SRP19: variants seen among roughly 807,000 people sequenced by gnomAD.
The protein encoded by SRP19 is signal recognition particle 19 kDa protein.
SRP19 carries 11 observed loss-of-function variants against 22.4 expected under a neutral mutation model. The observed-to-expected ratio is 0.49, with a 90% CI of 0.31 to 0.81. SRP19 has a LOEUF of 0.81. Among genes scored for constraint, SRP19 ranks in the 40% least tolerant of loss-of-function variants. The pLI is 0.05. For missense variants in SRP19, 168 were observed against 175.9 expected (o/e 0.96, Z 0.25); for synonymous variants, 61 against 57.6 (o/e 1.06, Z -0.27).
intron 4 of SRP19, chr5:112,877,289 A>T (rs1001837636): frequency 6.6e-6 from 1 of 152,156 alleles, no homozygotes; most frequent in East Asian, 1.9e-4. Flanking sequence ...TCTCAAGGTG[A>T]GCTAATCATC....
chr5:112,889,295 T>C (rs955325043), intron 4 of SRP19, among the ~76,000 whole-genome samples: 4 of 150,820 alleles, frequency 2.7e-5, no homozygotes, highest in Non-Finnish European at 5.9e-5. Flanking sequence ...CCCAAAACTA[T>C]AGCTGTATGC....
chr5:112,886,721 G>T (rs946447460), intron 4 of SRP19, among the ~76,000 whole-genome samples: 5 of 152,158 alleles, frequency 3.3e-5, no homozygotes, highest in African/African-American at 1.2e-4. Flanking sequence ...AGAAGAGATG[G>T]ACTTGCATAT....
Position 112,861,319 on chromosome 5 carries a change from C to T in SRP19, c.-58C>T, listed in dbSNP as rs138686216. ...CTCGGAAACTCAGAGCCGGGTTCCT[C>T]CCGGGTTTCTGCCGGGTTTCTCCCT... On this transcript the variant is annotated 5_prime_UTR_variant, in exon 1 of 5. Transcript: ENST00000505459. 171 of 1,607,352 alleles carry T rather than the reference C, an allele frequency of 1.1e-4. No individual in the cohort carries two copies. The East Asian group carries it at 1.9e-3, about 18-fold the overall frequency.
chr5:112,874,774 C>G (rs1767857263), downstream of SRP19, among the ~76,000 whole-genome samples: 1 of 114,690 alleles, frequency 8.7e-6, no homozygotes, highest in African/African-American at 3.1e-5. Flanking sequence ...TGATGTGCGC[C>G]AATTTTTTTT....
chr5:112,867,331 G>A, intron 4 of SRP19, 73 bp from the exon 5 acceptor site: 1 of 1,522,504 alleles, frequency 6.6e-7, no homozygotes, highest in Non-Finnish European at 8.9e-7. Context: ...CTTACACTTT[G>A]TGATATTCAA....
At chr5:112,862,653 C>T (rs1244235177) in intron 2 of SRP19, 70 bp downstream of exon 2, 2 of 1,357,480 alleles carry the variant, frequency 1.5e-6, no homozygotes, top group Admixed American at 3.7e-5. Flanking sequence ...GCCACGTAAT[C>T]TTGTTAGAGC....
intron 4 of SRP19, among the ~76,000 whole-genome samples, chr5:112,866,872 A>G (rs1444379720): frequency 6.6e-6 from 1 of 152,232 alleles, no homozygotes; most frequent in Non-Finnish European, 1.5e-5. Context: ...CCCAAGTAAG[A>G]TAGTAAAAAG....
downstream of SRP19, among the ~76,000 whole-genome samples, chr5:112,871,243 A>ATTTTTTTTTTTTTTTTTTTTTT (rs10592964): frequency 1.1e-5 from 1 of 93,934 alleles, no homozygotes; most frequent in African/African-American, 4.8e-5. Context: ...CAATCAGTGA[A>ATTTTTTTTTTTTTTTTTTTTTT]TTTTTTTTTT....
intron 4 of SRP19, chr5:112,887,071 A>G: frequency 1.2e-6 from 2 of 1,613,700 alleles, no homozygotes; most frequent in South Asian, 2.2e-5. Context: ...GTCCTTGACC[A>G]CACTGTCCAT....
In SRP19 at chr5:112,885,624, C is replaced by T. The variant is rs1356418933; in HGVS notation, c.302-5979C>T. 11 of 286,210 alleles carry T rather than the reference C, an allele frequency of 3.8e-5. No individual in the cohort carries two copies. In the Admixed American group the frequency reaches 4.4e-4, roughly 11 times the overall value. 17.7% of individuals were successfully genotyped at this position (286,210 alleles called of 1,614,324 possible). A position where few individuals can be genotyped will look rare whatever the true frequency, so the allele number is the denominator to read the frequency against. On this transcript the variant is annotated intron_variant, in intron 4 of 4. Coordinates refer to the SRP19 transcript ENST00000391338. Reference sequence around the variant, plus strand: ...CACTAGTGTTCTTCAAATGTCCTTCCCCAGGGTCTGCCAGCCTGGAGCAGC... The same window carrying T: ...CACTAGTGTTCTTCAAATGTCCTTCTCCAGGGTCTGCCAGCCTGGAGCAGC...
At chr5:112,866,091 A>G (rs1038602743) in intron 4 of SRP19, among the ~76,000 whole-genome samples, 5 of 150,624 alleles carry the variant, frequency 3.3e-5, no homozygotes, top group Non-Finnish European at 7.4e-5. Flanking sequence ...CAGTGGCACG[A>G]TTATGGCACA....
downstream of SRP19, chr5:112,897,836 A>G (rs1315534133): frequency 6.6e-6 from 1 of 152,168 alleles, no homozygotes; most frequent in Non-Finnish European, 1.5e-5. Context: ...AGGCGGGCAG[A>G]TCACTTGAGG....
At chr5:112,873,850 G>A (rs1421418981), downstream of SRP19, among the ~76,000 whole-genome samples, 3 of 151,962 alleles carry the variant, frequency 2.0e-5, no homozygotes, top group Admixed American at 2.0e-4. Context: ...TAAGATAGAA[G>A]GACCAAAAGG....
Position 112,868,472 on chromosome 5 carries a change from C to T in SRP19, c.*935C>T. On this transcript the variant is annotated 3_prime_UTR_variant, in exon 5 of 5. Coordinates refer to ENST00000505459, the MANE Select transcript of SRP19 (RefSeq NM_003135.3). The stretch of plus-strand genomic sequence containing the variant: ...CTGGAGTGCAATGGCACGATATCGG[C>T]GTACCACAACCTCTGCATCCCAGGT... 2.7e-6 allele frequency: 2 copies of T among 738,992 alleles called. No homozygotes were observed. Among genetic ancestry groups the T allele is most frequent in the Non-Finnish European group, 3.3e-6 (2 of 604,796 alleles). The allele number at this position is 738,992 out of a possible 1,614,324, so 45.8% of individuals were successfully genotyped here.
rs536000198 is a variant in SRP19 at position 112,862,969 on chromosome 5, A to G, written c.117+386A>G. ...ATTTTTTTAAGTGTGTGAAGAAGAC[A>G]TGCAGAAAGTTCAGCCCTGTTGAGT... is the stretch of plus-strand genomic sequence containing the variant. On this transcript the variant is annotated intron_variant, in intron 2 of 4. Coordinates refer to ENST00000505459, the MANE Select transcript of SRP19 (RefSeq NM_003135.3). Among the ~76,000 whole-genome samples, 23 of 152,328 alleles carry G rather than the reference A, an allele frequency of 1.5e-4. No homozygotes were observed. In the South Asian group the frequency reaches 4.8e-3, roughly 32 times the overall value.
exon 5 of SRP19, chr5:112,891,671 A>T: frequency 6.2e-7 from 1 of 1,613,368 alleles, no homozygotes; most frequent in Non-Finnish European, 8.5e-7. Flanking sequence ...ACGTTTCCCA[A>T]GAAGATGACA....
rs139481019 is a variant in SRP19, at chr5:112,862,524, C to T, written c.58C>T (p.Pro20Ser). The change falls in exon 2 of 5, where the codon CCT becomes TCT. Residue 20 changes from proline to serine, a missense_variant. Coordinates refer to ENST00000505459, the MANE Select transcript of SRP19 (RefSeq NM_003135.3). ...CTATGGCAGGTTTATTTGTATCTAT[C>T]CTGCTTATTTAAATAATAAGAAGAC... ...ADQDRFICIY[P>S]AYLNNKKTIA... 3.7e-6 allele frequency: 6 copies of T among 1,613,708 alleles called. No homozygotes were observed. The African/African-American group carries it at 6.7e-5, about 18-fold the overall frequency.
chr5:112,864,397 C>G (rs1477606319), intron 2 of SRP19, 60 bp from the exon 3 acceptor site: 1 of 1,401,110 alleles, frequency 7.1e-7, no homozygotes, highest in South Asian at 1.2e-5. Context: ...ATTTACCCAA[C>G]ACTATGGCAG....
chr5:112,867,467 C>T lies in SRP19; in HGVS notation c.365C>T (p.Thr122Ile), dbSNP rs1264253781. The part of the protein sequence containing the change: ...IPKLKTRTQK[T>I]GGADQSLQQG... ...AAACTAAAAACAAGGACACAAAAAA[C>T]AGGAGGTGCTGACCAAAGTCTTCAA... Residue 122 changes from threonine (T) to isoleucine (I), a missense_variant, in exon 5 of 5, where the codon ACA becomes ATA. Coordinates refer to ENST00000505459, the MANE Select transcript of SRP19 (RefSeq NM_003135.3). 4 of 1,613,818 alleles carry T rather than the reference C, an allele frequency of 2.5e-6. No individual in the cohort carries two copies. The highest frequency in any genetic ancestry group is 2.5e-6 in the Non-Finnish European group (3 of 1,179,908).
Sources: allele counts gnomAD v4.1 joint callset (sites outside exome capture counted in the v4.1 genomes callset), GRCh38; gene constraint gnomAD v4.1.1; transcripts MANE v1.5; gene names NCBI Gene and HGNC (gene_info 2026-07-23, HGNC 2026-07-21).